The following ARID2 variants were observed in gnomAD, a reference collection of about 807,000 sequenced individuals.
The protein encoded by ARID2 is AT-rich interaction domain 2.
A neutral mutation model predicts 184.6 loss-of-function variants in ARID2; 32 were observed. That is an observed-to-expected ratio of 0.17 (90% CI 0.13 to 0.23). The LOEUF is 0.23. Ranked by LOEUF, ARID2 falls within the 10% of genes least tolerant of loss-of-function variation. The probability of loss-of-function intolerance (pLI) is 1.00; values close to 1 mark genes in which losing one functional copy is unlikely to be tolerated. For synonymous variants in ARID2, 836 were observed against 772.6 expected (o/e 1.08, Z -1.36); for missense variants, 1,696 against 2,197.6 (o/e 0.77, Z 4.56).
chr12:45,862,135 C>T (rs1316214058), intron 16 of ARID2, among the ~76,000 whole-genome samples: 1 of 152,094 alleles, frequency 6.6e-6, no homozygotes, highest in Non-Finnish European at 1.5e-5. Flanking sequence ...TAACTCTCAA[C>T]CCAGTAGTGG....
chr12:45,785,691 G>A (rs1942184129), intron 3 of ARID2, among the ~76,000 whole-genome samples: 2 of 151,962 alleles, frequency 1.3e-5, no homozygotes, highest in South Asian at 4.2e-4. Flanking sequence ...AAGCTCAGTA[G>A]GTAAGCTTAA....
At chr12:45,747,693 A>T (rs1941385565) in intron 3 of ARID2, among the ~76,000 whole-genome samples, 1 of 152,098 alleles carries the variant, frequency 6.6e-6, no homozygotes, top group African/African-American at 2.4e-5. Flanking sequence ...AAAGCTTAAC[A>T]TTTTTTTGTG....
intron 16 of ARID2, among the ~76,000 whole-genome samples, chr12:45,883,267 T>C (rs1399460387): frequency 1.3e-5 from 2 of 152,032 alleles, no homozygotes; most frequent in African/African-American, 2.4e-5. Context: ...AATTTTTACC[T>C]TGCTCTATTA....
chr12:45,795,411 C>T (rs190259019), intron 3 of ARID2, among the ~76,000 whole-genome samples: 75 of 152,054 alleles, frequency 4.9e-4, no homozygotes, highest in African/African-American at 1.6e-3. Context: ...CTGCTTTCTT[C>T]CTCCGTCTTC....
chr12:45,818,697 C>T (rs1198043665), intron 5 of ARID2, among the ~76,000 whole-genome samples: 1 of 151,970 alleles, frequency 6.6e-6, no homozygotes, highest in African/African-American at 2.4e-5. Flanking sequence ...CTTGTTATAA[C>T]ATTTTATGAC....
chr12:45,865,234 A>C (rs1943813953), intron 16 of ARID2, among the ~76,000 whole-genome samples: 1 of 152,046 alleles, frequency 6.6e-6, no homozygotes, highest in African/African-American at 2.4e-5. Flanking sequence ...TCGTTTTATC[A>C]TTTTCACACC....
In ARID2 at chr12:45,905,167, A is replaced by G. The variant is rs1944508318; in HGVS notation, c.*89A>G. ...AGAAAGCACCAAGTCTTAATGGAAC[A>G]AAGACCATAGAATGAATTATTTTAT... On this transcript the variant is annotated 3_prime_UTR_variant, in exon 21 of 21. Transcript: ENST00000334344. The G allele has an allele frequency of 7.4e-7, 1 of 1,343,492 alleles. No individual in the cohort carries two copies. Among genetic ancestry groups the G allele is most frequent in the African/African-American group, 1.5e-5 (1 of 67,820 alleles). 83.2% of individuals were successfully genotyped at this position (1,343,492 alleles called of 1,614,324 possible). A position where few individuals can be genotyped will look rare whatever the true frequency, so the allele number is the denominator to read the frequency against.
chr12:45,890,721 A>T (rs940133379), intron 16 of ARID2, among the ~76,000 whole-genome samples: 7 of 152,136 alleles, frequency 4.6e-5, no homozygotes, highest in Non-Finnish European at 1.0e-4. Context: ...TTTTGATTAA[A>T]TTTTATTTTA....
rs1592081555 is a variant in ARID2, at chr12:45,795,568, G to A, written c.285-15850G>A. Among the ~76,000 whole-genome samples the A allele has an allele frequency of 2.0e-5, 3 of 152,138 alleles. 1 individual carries two copies. The East Asian group carries it at 5.8e-4, about 29-fold the overall frequency. On this transcript the variant is annotated intron_variant, in intron 3 of 20. Coordinates refer to ENST00000334344, the MANE Select transcript of ARID2 (RefSeq NM_152641.4). Reference sequence around the variant, plus strand: ...CTGCCTCAGCCTCCTGAGTAGCTGGGACTACAGGCGCCCGCCACCACGCCT... The same window carrying A: ...CTGCCTCAGCCTCCTGAGTAGCTGGAACTACAGGCGCCCGCCACCACGCCT...
intron 16 of ARID2, among the ~76,000 whole-genome samples, chr12:45,888,039 T>TA (rs1944225639): frequency 3.3e-5 from 5 of 151,850 alleles, no homozygotes; most frequent in Admixed American, 3.3e-4. Context: ...ACTAAAAATA[T>TA]AAAAAATCAG....
At chr12:45,738,779 CTTTTTTTT>C (rs11333868) in intron 3 of ARID2, among the ~76,000 whole-genome samples, 1,304 of 62,102 alleles carry the variant, frequency 0.021, 14 homozygotes, top group Non-Finnish European at 0.027. Context: ...ATATGGGCTA[CTTTTTTTT>C]TTTTTTTTTT....
Position 45,907,389 on chromosome 12 carries a change from T to C in ARID2, c.*2311T>C, listed in dbSNP as rs931071344. 1 of 233,284 alleles carries C rather than the reference T, an allele frequency of 4.3e-6. No individual in the cohort carries two copies. Among genetic ancestry groups the C allele is most frequent in the Non-Finnish European group, 8.5e-6 (1 of 117,916 alleles). 14.5% of individuals were successfully genotyped at this position (233,284 alleles called of 1,614,324 possible). ...AGAACAAACTGCAGGTTTAGAAAAA[T>C]GGTTTTCATATTCACCATTCTTCCA... On this transcript the variant is annotated 3_prime_UTR_variant, in exon 21 of 21. Transcript: ENST00000334344.
At chr12:45,823,641 C>T (rs1565609557) in intron 6 of ARID2, among the ~76,000 whole-genome samples, 1 of 151,942 alleles carries the variant, frequency 6.6e-6, no homozygotes, top group South Asian at 2.1e-4. Flanking sequence ...TATAAAGGAT[C>T]ATTAGAGACT....
At chr12:45,847,481 T>G (rs1943464096) in intron 12 of ARID2, among the ~76,000 whole-genome samples, 1 of 152,056 alleles carries the variant, frequency 6.6e-6, no homozygotes. Flanking sequence ...GATTGTGTAG[T>G]CCTATCTGCA....
intron 3 of ARID2, among the ~76,000 whole-genome samples, chr12:45,803,034 T>C (rs1753894056): frequency 6.6e-6 from 1 of 152,172 alleles, no homozygotes; most frequent in Admixed American, 6.5e-5. Context: ...TGCTTATTCA[T>C]TGTGGCTTTA....
chr12:45,796,417 G>C (rs1324972776), intron 3 of ARID2, among the ~76,000 whole-genome samples: 2 of 152,066 alleles, frequency 1.3e-5, no homozygotes, highest in Non-Finnish European at 2.9e-5. Context: ...GTGACAGTTT[G>C]AGTTTTTTTG....
At chr12:45,862,946 A>T (rs1943773825) in intron 16 of ARID2, among the ~76,000 whole-genome samples, 1 of 151,880 alleles carries the variant, frequency 6.6e-6, no homozygotes, top group Admixed American at 6.6e-5. Flanking sequence ...GTTTAGTTTT[A>T]GTCTGCAAAT....
Position 45,763,652 on chromosome 12 carries a change from A to AAT in ARID2, c.284+32338_284+32339insAT, listed in dbSNP as rs1565586985. Among the ~76,000 whole-genome samples the AAT allele has an allele frequency of 9.3e-5, 14 of 149,994 alleles. No individual in the cohort carries two copies. In the South Asian group the frequency reaches 1.3e-3, roughly 14 times the overall value. On this transcript the variant is annotated intron_variant, in intron 3 of 20. Transcript: ENST00000334344. ...TAGCTGGGACTACAAAAAAAAAAAAATTTTTTTTAAAATTTTTTTGTAGAC... is the reference window on the plus strand; with the variant it reads ...TAGCTGGGACTACAAAAAAAAAAAAAATTTTTTTTTAAAATTTTTTTGTAGAC...
intron 15 of ARID2, among the ~76,000 whole-genome samples, chr12:45,859,254 C>A (rs907465672): frequency 2.0e-5 from 3 of 152,152 alleles, no homozygotes; most frequent in African/African-American, 7.2e-5. Flanking sequence ...AAATACTTAA[C>A]CATTGTGTTA....
Sources: allele counts gnomAD v4.1 joint callset (sites outside exome capture counted in the v4.1 genomes callset), GRCh38; gene constraint gnomAD v4.1.1; transcripts MANE v1.5; gene names NCBI Gene and HGNC (gene_info 2026-07-23, HGNC 2026-07-21).